The following RPAP3 variants were observed in gnomAD, a reference collection of about 807,000 sequenced individuals.
RPAP3 encodes the protein RNA polymerase II-associated protein 3.
RPAP3 carries 58 observed loss-of-function variants against 88.8 expected under a neutral mutation model. The observed-to-expected ratio is 0.65, with a 90% CI of 0.53 to 0.81. RPAP3 has a LOEUF of 0.81. RPAP3 is among the 40% of genes least tolerant of loss of function. The pLI, the probability that RPAP3 is intolerant of heterozygous loss-of-function variation, is 0.00. For missense variants in RPAP3, 751 were observed against 764.3 expected (o/e 0.98, Z 0.20); for synonymous variants, 255 against 259.9 (o/e 0.98, Z 0.18).
At chr12:47,687,269 A>C (rs1297931017) in intron 8 of RPAP3, among the ~76,000 whole-genome samples, 2 of 152,210 alleles carry the variant, frequency 1.3e-5, no homozygotes, top group African/African-American at 4.8e-5. Context: ...AAAGGACTTC[A>C]TAACTCAAAT....
intron 2 of RPAP3, among the ~76,000 whole-genome samples, chr12:47,702,441 T>C (rs546782199): frequency 2.6e-5 from 4 of 151,206 alleles, no homozygotes; most frequent in Admixed American, 2.6e-4. Flanking sequence ...GTAGTCCCAG[T>C]TACTCAGGAG....
intron 10 of RPAP3, among the ~76,000 whole-genome samples, chr12:47,681,474 T>G (rs1939221114): frequency 6.6e-6 from 1 of 152,198 alleles, no homozygotes; most frequent in South Asian, 2.1e-4. Flanking sequence ...TTAGCCAGAA[T>G]GTACTAAACA....
At chr12:47,671,147 T>C (rs1185693195) in intron 12 of RPAP3, among the ~76,000 whole-genome samples, 5 of 152,160 alleles carry the variant, frequency 3.3e-5, no homozygotes, top group Non-Finnish European at 4.4e-5. Flanking sequence ...TATTTAATAA[T>C]ATATGTATAT....
In RPAP3 at chr12:47,670,240, G is replaced by C; in HGVS notation, c.1393C>G (p.Leu465Val). Residue 465 changes from leucine (L) to valine (V), a missense_variant, in exon 13 of 17, where the codon CTA (leucine) becomes GTA (valine). Coordinates refer to ENST00000005386, the MANE Select transcript of RPAP3 (RefSeq NM_024604.3). ...CCTGTGGCTGCTATTACATTTGCTA[G>C]ATTAATAGGATTATTCTCTGGAGCA... ...AAAPENNPIN[L>V]ANVIAATGTT... 6.2e-7 allele frequency: 1 copy of C among 1,613,166 alleles called. No individual in the cohort carries two copies. The highest frequency in any genetic ancestry group is 8.5e-7 in the Non-Finnish European group (1 of 1,179,222).
rs1163113611 is a variant in RPAP3, at chr12:47,704,998, G to C, written c.-7+954C>G. 3.9e-5 allele frequency among the ~76,000 whole-genome samples: 6 copies of C among 152,172 alleles called. No homozygotes were observed. The East Asian group carries it at 7.7e-4, about 20-fold the overall frequency. ...AGCCTGGGACCAAAAAAAAAGGAGG[G>C]GGGGGAATGAAATGAGTTACGTAAA... On this transcript the variant is annotated intron_variant, in intron 1 of 16. Transcript: ENST00000005386.
chr12:47,690,479 C>T (rs752261410), intron 6 of RPAP3, 39 bp downstream of exon 6: 8 of 1,533,762 alleles, frequency 5.2e-6, no homozygotes, highest in African/African-American at 1.4e-5. Flanking sequence ...TGTGAGATAA[C>T]ACTGTTAAAG....
At chr12:47,680,285 T>C (rs1032625086) in intron 10 of RPAP3, among the ~76,000 whole-genome samples, 1 of 152,086 alleles carries the variant, frequency 6.6e-6, no homozygotes, top group African/African-American at 2.4e-5. Flanking sequence ...TGGAGGTTAC[T>C]AGGGCTGGGA....
intron 5 of RPAP3, among the ~76,000 whole-genome samples, chr12:47,692,325 T>G (rs984879341): frequency 5.3e-5 from 8 of 152,266 alleles, no homozygotes; most frequent in Non-Finnish European, 1.2e-4. Context: ...ACTGAAAATG[T>G]GTGTGTTGTT....
intron 16 of RPAP3, among the ~76,000 whole-genome samples, chr12:47,663,876 A>T (rs1938811311): frequency 6.6e-6 from 1 of 152,146 alleles, no homozygotes; most frequent in South Asian, 2.1e-4. Flanking sequence ...ATTCTGTACT[A>T]CCTTAAAAAT....
chr12:47,667,076 C>T lies in RPAP3; in HGVS notation c.1816G>A (p.Glu606Lys). 7.0e-7 allele frequency: 1 copy of T among 1,419,932 alleles called. No homozygotes were observed. The highest frequency in any genetic ancestry group is 9.4e-7 in the Non-Finnish European group (1 of 1,065,754). The allele number at this position is 1,419,932 out of a possible 1,614,324, so 88.0% of individuals were successfully genotyped here. The change falls in exon 16 of 17, where the codon GAA (glutamate) becomes AAA (lysine). Residue 606 changes from glutamate to lysine, a missense_variant. Coordinates refer to ENST00000005386, the MANE Select transcript of RPAP3 (RefSeq NM_024604.3). ...KILHDFYIEK[E>K]KPLLIFEILQ... ...ATTTCAAAGATGAGTAATGGCTTTT[C>T]TTTCCTGAAATAATCCAAATATAGA...
rs1291517913 is a variant in RPAP3, at chr12:47,670,185, T to A, written c.1448A>T (p.Asp483Val). The change falls in exon 13 of 17, where the codon GAT becomes GTT. Residue 483 changes from aspartate (D) to valine (V), a missense_variant. Coordinates refer to ENST00000005386, the MANE Select transcript of RPAP3 (RefSeq NM_024604.3). ...AGTATCACTTGTGGGAAAAAGGTCA[T>A]CTTGGCTTGAATTCTTCTTACTTGT... ...GTTSKKNSSQ[D>V]DLFPTSDTPR... 1.9e-6 allele frequency: 3 copies of A among 1,614,054 alleles called. No homozygotes were observed. The highest frequency in any genetic ancestry group is 2.5e-6 in the Non-Finnish European group (3 of 1,179,930).
intron 12 of RPAP3, among the ~76,000 whole-genome samples, chr12:47,677,296 G>C (rs2136618199): frequency 6.6e-6 from 1 of 152,138 alleles, no homozygotes; most frequent in Admixed American, 6.5e-5. Flanking sequence ...ATACTGAATG[G>C]GCAAAAACTG....
At chr12:47,699,202 T>C (rs1254659164) in intron 3 of RPAP3, among the ~76,000 whole-genome samples, 2 of 152,230 alleles carry the variant, frequency 1.3e-5, no homozygotes, top group Non-Finnish European at 1.5e-5. Context: ...ACAATCTTGA[T>C]GGCATTGTCC....
chr12:47,667,027 T>C lies in RPAP3; in HGVS notation c.1865A>G (p.Lys622Arg). ...FEILQRLSEL[K>R]RFDMAVMFMS... The stretch of plus-strand genomic sequence containing the variant: ...AAACATCACTGCCATATCAAACCTT[T>C]TTAGTTCAGAAAGTCTTTGTAAGAT... The change falls in exon 16 of 17, where the codon AAA (lysine) becomes AGA (arginine). Residue 622 changes from lysine to arginine, a missense_variant. Physicochemically the swap from Lys to Arg is conservative, Grantham distance 26 (BLOSUM62 2). Coordinates refer to ENST00000005386, the MANE Select transcript of RPAP3 (RefSeq NM_024604.3). 2.6e-6 allele frequency: 4 copies of C among 1,537,342 alleles called. No homozygotes were observed. The highest frequency in any genetic ancestry group is 3.5e-6 in the Non-Finnish European group (4 of 1,150,540).
intron 10 of RPAP3, among the ~76,000 whole-genome samples, chr12:47,680,916 T>C (rs542387018): frequency 6.0e-4 from 89 of 147,568 alleles, no homozygotes; most frequent in African/African-American, 2.1e-3. Flanking sequence ...TACAACTTGC[T>C]GAAACAAAGA....
intron 13 of RPAP3, 131 bp from the exon 14 acceptor site, chr12:47,669,233 T>C: frequency 1.8e-6 from 1 of 560,488 alleles, no homozygotes; most frequent in Non-Finnish European, 3.1e-6. Flanking sequence ...ATACAAGCAT[T>C]CAATTATTTC....
intron 1 of RPAP3, 99 bp from the exon 2 acceptor site, chr12:47,702,945 C>T (rs762357754): frequency 2.4e-6 from 2 of 844,466 alleles, no homozygotes; most frequent in Non-Finnish European, 3.5e-6. Context: ...CATAAGTGGC[C>T]AAGATACATG....
intron 12 of RPAP3, among the ~76,000 whole-genome samples, chr12:47,671,597 C>A (rs1011202680): frequency 6.6e-6 from 1 of 152,126 alleles, no homozygotes; most frequent in African/African-American, 2.4e-5. Context: ...ATTCTTCAAG[C>A]AGTTCTATTT....
At chr12:47,670,613 A>T (rs1185562718) in intron 12 of RPAP3, among the ~76,000 whole-genome samples, 1 of 152,230 alleles carries the variant, frequency 6.6e-6, no homozygotes, top group Non-Finnish European at 1.5e-5. Flanking sequence ...AAAGCACAAA[A>T]CGCTAAGAGA....
Sources: allele counts gnomAD v4.1 joint callset (sites outside exome capture counted in the v4.1 genomes callset), GRCh38; gene constraint gnomAD v4.1.1; transcripts MANE v1.5; gene names NCBI Gene and HGNC (gene_info 2026-07-23, HGNC 2026-07-21).